The following RORA variants were observed in gnomAD, a reference collection of about 807,000 sequenced individuals.
RORA encodes nuclear receptor ROR-alpha.
Under a neutral mutation model 69.5 loss-of-function variants are expected in RORA, and 7 were observed. The ratio of observed to expected loss-of-function variants is 0.10; its 90% confidence interval spans 0.06 to 0.19. The LOEUF is 0.19. Ranked by LOEUF, RORA falls within the 10% of genes least tolerant of loss-of-function variation. The probability of loss-of-function intolerance (pLI) is 1.00; values close to 1 mark genes in which losing one functional copy is unlikely to be tolerated. For missense variants in RORA, 457 were observed against 663.0 expected (o/e 0.69, Z 3.41); for synonymous variants, 261 against 240.8 (o/e 1.08, Z -0.78).
chr15:61,202,142 G>A (rs112624055), intron 1 of RORA, among the ~76,000 whole-genome samples: 5,667 of 151,894 alleles, frequency 0.037, 110 homozygotes, highest in Middle Eastern at 0.088. Context: ...CAAGTTGCTG[G>A]GATTACAGGT....
intron 1 of RORA, among the ~76,000 whole-genome samples, chr15:61,157,598 C>G (rs1210802386): frequency 6.6e-6 from 1 of 152,146 alleles, no homozygotes; most frequent in East Asian, 1.9e-4. Context: ...GGACAGCCCT[C>G]CTCACCATGT....
At chr15:60,715,626 G>T (rs978061917) in intron 1 of RORA, among the ~76,000 whole-genome samples, 1 of 152,156 alleles carries the variant, frequency 6.6e-6, no homozygotes, top group East Asian at 1.9e-4. Flanking sequence ...CTTATTTTTA[G>T]AAAGGGAATA....
At chr15:61,219,655 T>A (rs1292813756) in intron 1 of RORA, among the ~76,000 whole-genome samples, 1 of 151,968 alleles carries the variant, frequency 6.6e-6, no homozygotes, top group Non-Finnish European at 1.5e-5. Flanking sequence ...GAACATGAGG[T>A]AAGAAAGTAC....
chr15:60,539,557 C>T (rs528440750), intron 2 of RORA, among the ~76,000 whole-genome samples: 8 of 152,232 alleles, frequency 5.3e-5, no homozygotes, highest in African/African-American at 1.7e-4. Context: ...TGACTCTATA[C>T]CTTTTTTGGT....
intron 1 of RORA, among the ~76,000 whole-genome samples, chr15:61,197,177 G>A (rs752026555): frequency 6.6e-6 from 1 of 152,196 alleles, no homozygotes; most frequent in Admixed American, 6.5e-5. Context: ...ACAAGAGCAT[G>A]GTTGTTCAAT....
At chr15:61,010,208 T>C (rs111562601) in intron 1 of RORA, among the ~76,000 whole-genome samples, 4 of 152,258 alleles carry the variant, frequency 2.6e-5, no homozygotes, top group African/African-American at 9.6e-5. Context: ...TCCCTAGCTT[T>C]TGAGAGGAAA....
At chr15:60,520,995 C>G (rs1243128824) in intron 3 of RORA, among the ~76,000 whole-genome samples, 1 of 151,962 alleles carries the variant, frequency 6.6e-6, no homozygotes, top group Non-Finnish European at 1.5e-5. Flanking sequence ...GCAGCTATTG[C>G]AAATAGAAAA....
chr15:60,597,820 C>T (rs1487409379), intron 2 of RORA, among the ~76,000 whole-genome samples: 1 of 150,352 alleles, frequency 6.7e-6, no homozygotes, highest in African/African-American at 2.4e-5. Flanking sequence ...TGCAACGGGC[C>T]CCTACCACTC....
At chr15:60,844,098 A>G (rs184629662) in intron 1 of RORA, among the ~76,000 whole-genome samples, 263 of 152,136 alleles carry the variant, frequency 1.7e-3, no homozygotes, top group Admixed American at 6.1e-3. Flanking sequence ...GCTCCTTTTC[A>G]TAGCCTCCTC....
intron 1 of RORA, among the ~76,000 whole-genome samples, chr15:60,955,015 A>G (rs533840519): frequency 7.9e-5 from 12 of 152,186 alleles, no homozygotes; most frequent in Non-Finnish European, 1.5e-4. Flanking sequence ...TTAAAAATCC[A>G]TCTTAAGGCT....
intron 1 of RORA, among the ~76,000 whole-genome samples, chr15:61,155,928 G>A (rs1285722999): frequency 1.3e-5 from 2 of 152,124 alleles, no homozygotes; most frequent in Non-Finnish European, 2.9e-5. Flanking sequence ...CGGGCACTCT[G>A]GACTTTGTGT....
chr15:61,123,709 G>A (rs1243134818), intron 1 of RORA, among the ~76,000 whole-genome samples: 1 of 152,102 alleles, frequency 6.6e-6, no homozygotes. Context: ...CCGTCTTCCA[G>A]GAGATTCTAA....
At chr15:60,628,987 A>G (rs1481284309) in intron 2 of RORA, among the ~76,000 whole-genome samples, 1 of 152,080 alleles carries the variant, frequency 6.6e-6, no homozygotes, top group Non-Finnish European at 1.5e-5. Flanking sequence ...ATCTGCTCAC[A>G]TGCTGAGCCT....
At chr15:60,998,478 A>G (rs1894636766) in intron 1 of RORA, among the ~76,000 whole-genome samples, 1 of 151,908 alleles carries the variant, frequency 6.6e-6, no homozygotes, top group Admixed American at 6.6e-5. Context: ...GCTCACTGCA[A>G]CTTCTGCATC....
At chr15:60,694,739 A>G (rs376660448) in intron 1 of RORA, among the ~76,000 whole-genome samples, 21 of 152,294 alleles carry the variant, frequency 1.4e-4, no homozygotes, top group African/African-American at 4.8e-4. Context: ...TTTTCCCCAC[A>G]TAATGTAAAA....
At chr15:60,787,239 G>A (rs568763983) in intron 1 of RORA, among the ~76,000 whole-genome samples, 13 of 152,328 alleles carry the variant, frequency 8.5e-5, no homozygotes, top group African/African-American at 2.6e-4. Flanking sequence ...CCAAGCCTGC[G>A]AGCTCAAGGA....
chr15:60,592,476 T>TGCCGCC (rs1409989475), intron 2 of RORA: 44 of 1,353,962 alleles, frequency 3.2e-5, no homozygotes, highest in South Asian at 2.7e-4. Flanking sequence ...GAGCCCCCTC[T>TGCCGCC]GCCGCCGCCG....
At chr15:60,941,459 A>G (rs1053025939) in intron 1 of RORA, among the ~76,000 whole-genome samples, 3 of 152,250 alleles carry the variant, frequency 2.0e-5, no homozygotes, top group East Asian at 1.9e-4. Flanking sequence ...ATTGTTCTAC[A>G]GAACCGGGTG....
chr15:61,067,301 G>C (rs1056183826), intron 1 of RORA, among the ~76,000 whole-genome samples: 1 of 151,642 alleles, frequency 6.6e-6, no homozygotes, highest in Non-Finnish European at 1.5e-5. Context: ...TAGTAGAGAC[G>C]GGGTTTTACT....
Sources: gnomAD v4.1 joint callset for allele counts (sites outside exome capture counted in the v4.1 genomes callset) on GRCh38, gnomAD v4.1.1 for gene constraint, MANE v1.5 for transcripts, NCBI Gene and HGNC (gene_info 2026-07-23, HGNC 2026-07-21) for gene names.